Variants in CHST6 observed in about 807,000 individuals in gnomAD.
CHST6 encodes N-acetylglucosamine 6-O-sulfotransferase 5.
For synonymous variants in CHST6, 309 were observed against 276.4 expected, an observed-to-expected ratio of 1.12 and a Z score of -1.17; for missense variants, 698 against 586.2, an observed-to-expected ratio of 1.19 and a Z score of -1.97.
rs117269245 is a variant in CHST6 at position 75,495,061 on chromosome 16, C to G, written c.-213G>C. 641 of 152,684 alleles carry G rather than the reference C, an allele frequency of 4.2e-3. No individual in the cohort carries two copies. Among genetic ancestry groups the G allele is most frequent in the Non-Finnish European group, 6.5e-3 (444 of 68,306 alleles). 9.5% of individuals were successfully genotyped at this position (152,684 alleles called of 1,614,324 possible). ...AATTCCACCGCACAGCCAGCTCTTT[C>G]TCTTCACTGGGAGGGTCCGCAGGGG... On this transcript the variant is annotated 5_prime_UTR_variant, in exon 1 of 3. Coordinates refer to ENST00000332272, the MANE Select transcript of CHST6 (RefSeq NM_021615.5).
intron 2 of CHST6, among the ~76,000 whole-genome samples, 156 bp from the exon 3 acceptor site, chr16:75,480,000 T>A (rs924174717): frequency 1.3e-5 from 2 of 152,178 alleles, no homozygotes; most frequent in African/African-American, 2.4e-5. Context: ...AATGTGGCCT[T>A]AAGACATAAC....
At chr16:75,484,272 G>A (rs748548044) in intron 1 of CHST6, among the ~76,000 whole-genome samples, 7 of 152,206 alleles carry the variant, frequency 4.6e-5, no homozygotes, top group Non-Finnish European at 8.8e-5. Context: ...AGGAGGTGGA[G>A]GTTGCAGTGA....
At chr16:75,482,156 C>T (rs1224459854) in intron 1 of CHST6, among the ~76,000 whole-genome samples, 1 of 152,238 alleles carries the variant, frequency 6.6e-6, no homozygotes, top group African/African-American at 2.4e-5. Flanking sequence ...GGGGAGTCTC[C>T]CCCCAGAGGA....
chr16:75,480,886 C>T lies in CHST6; in HGVS notation c.-17+931G>A, dbSNP rs563904804. Among the ~76,000 whole-genome samples the T allele has an allele frequency of 8.3e-5, 12 of 143,808 alleles. No individual in the cohort carries two copies. In the South Asian group the frequency reaches 1.3e-3, roughly 16 times the overall value. 94.3% of individuals were successfully genotyped at this position (143,808 alleles called of 152,430 possible). A position where few individuals can be genotyped will look rare whatever the true frequency, so the allele number is the denominator to read the frequency against. On this transcript the variant is annotated intron_variant, in intron 2 of 2. Coordinates refer to ENST00000332272, the MANE Select transcript of CHST6 (RefSeq NM_021615.5). ...CAGAGGTTGTAGTGAGACGAGATCG[C>T]GCCATTGCACTCCAGCCTGGGCAAG...
Position 75,475,846 on chromosome 16 carries a change from G to C in CHST6, c.*2795C>G, listed in dbSNP as rs2080060627. ...AAACAGGGGCAAATGAAGCTTGTTG[G>C]GCATGCTGGCTGGGCATGAGATGGA... On this transcript the variant is annotated 3_prime_UTR_variant, in exon 3 of 3. Transcript: ENST00000332272. The C allele has an allele frequency of 6.6e-6, 1 of 152,118 alleles. No homozygotes were observed. Among genetic ancestry groups the C allele is most frequent in the Non-Finnish European group, 1.5e-5 (1 of 68,036 alleles). 9.4% of individuals were successfully genotyped at this position (152,118 alleles called of 1,614,324 possible).
Position 75,479,657 on chromosome 16 carries a change from G to A in CHST6, c.172C>T (p.Gln58Ter), listed in dbSNP as rs756036451. Residue 58 changes from glutamine (Q) to a stop codon, truncating the protein, a stop_gained, in exon 3 of 3, where the codon CAA becomes TAA. Transcript: ENST00000332272. LOFTEE classifies it low-confidence loss of function (END_TRUNC). The part of the protein sequence containing the change: ...SWRSGSSFVG[Q>*]LFNQHPDVFY... Reference sequence around the variant, plus strand: ...ACGTCGGGGTGCTGGTTGAAGAGTTGGCCCACGAAGGACGAGCCCGAGCGC... The same window carrying A: ...ACGTCGGGGTGCTGGTTGAAGAGTTAGCCCACGAAGGACGAGCCCGAGCGC... 87 of 1,612,628 alleles carry A rather than the reference G, an allele frequency of 5.4e-5. No individual in the cohort carries two copies. Among genetic ancestry groups the A allele is most frequent in the Non-Finnish European group, 7.4e-5 (87 of 1,179,728 alleles).
Position 75,479,290 on chromosome 16 carries a change from T to A in CHST6, c.539A>T (p.Asn180Ile). Reference sequence around the variant, plus strand: ...GAGCAGCGGGTAGAGCACCTGCAGGTTGAAGAAGCGCACCTCCTTGAGCAC... The same window carrying A: ...GAGCAGCGGGTAGAGCACCTGCAGGATGAAGAAGCGCACCTCCTTGAGCAC... Reference protein sequence around the residue: ...HVVLKEVRFFNLQVLYPLLSD... With the variant: ...HVVLKEVRFFILQVLYPLLSD... The change falls in exon 3 of 3, where the codon AAC (asparagine) becomes ATC (isoleucine). Residue 180 changes from asparagine (N) to isoleucine (I), a missense_variant. By Grantham distance (149) the Asn-to-Ile change is moderately radical. Transcript: ENST00000332272. The A allele has an allele frequency of 6.2e-7, 1 of 1,613,022 alleles. No homozygotes were observed. The highest frequency in any genetic ancestry group is 1.3e-5 in the African/African-American group (1 of 74,960).
chr16:75,489,229 A>G (rs1033257963), intron 1 of CHST6, among the ~76,000 whole-genome samples: 4 of 151,484 alleles, frequency 2.6e-5, no homozygotes, highest in South Asian at 2.1e-4. Context: ...CGAAACCCCA[A>G]CTGTACTAAA....
At position 75,487,731 on chromosome 16, in the gene CHST6, A is replaced by G. The variant is rs188579617; in HGVS notation, c.-91-5840T>C. Among the ~76,000 whole-genome samples, 725 of 150,426 alleles carry G rather than the reference A, an allele frequency of 4.8e-3. 7 individuals carry two copies. The highest frequency in any genetic ancestry group is 0.017 in the African/African-American group (704 of 40,816). On this transcript the variant is annotated intron_variant, in intron 1 of 2. Coordinates refer to ENST00000332272, the MANE Select transcript of CHST6 (RefSeq NM_021615.5). Reference sequence around the variant, plus strand: ...GGAGAATGGCGTGAATCTGGGAGGCAGAGCTTGCAGTGAGCTGAGATCGTG... The same window carrying G: ...GGAGAATGGCGTGAATCTGGGAGGCGGAGCTTGCAGTGAGCTGAGATCGTG...
Position 75,486,882 on chromosome 16 carries a change from G to A in CHST6, c.-91-4991C>T, listed in dbSNP as rs184577108. Among the ~76,000 whole-genome samples, 955 of 152,284 alleles carry A rather than the reference G, an allele frequency of 6.3e-3. 10 individuals are homozygous for A. Among genetic ancestry groups the A allele is most frequent in the Middle Eastern group, 0.024 (7 of 294 alleles). The stretch of plus-strand genomic sequence containing the variant: ...CAGAGCTTCTGGGGGCTGGCCCTGC[G>A]TTGTTTCTCTCTGACAGTGCTAATT... On this transcript the variant is annotated intron_variant, in intron 1 of 2. Coordinates refer to ENST00000332272, the MANE Select transcript of CHST6 (RefSeq NM_021615.5).
chr16:75,472,937 G>C lies in CHST6; in HGVS notation c.*5704C>G, dbSNP rs762070553. 26 of 152,112 alleles carry C rather than the reference G, an allele frequency of 1.7e-4. No homozygotes were observed. The highest frequency in any genetic ancestry group is 2.4e-4 in the Non-Finnish European group (16 of 68,048). 9.4% of individuals were successfully genotyped at this position (152,112 alleles called of 1,614,324 possible). On this transcript the variant is annotated 3_prime_UTR_variant, in exon 3 of 3. Coordinates refer to ENST00000332272, the MANE Select transcript of CHST6 (RefSeq NM_021615.5). ...TGCCTGCCCCTAATTGTGGGTGACT[G>C]CTGGGCCTAGACACTTCTAGCTGCA...
chr16:75,488,399 G>A (rs1232442216), intron 1 of CHST6, among the ~76,000 whole-genome samples: 1 of 151,718 alleles, frequency 6.6e-6, no homozygotes, highest in African/African-American at 2.4e-5. Context: ...TCTGGGAGGT[G>A]GAGGTTGCAG....
chr16:75,491,190 A>AAAAAAATAAATATATATAT (rs1206595857), intron 1 of CHST6, among the ~76,000 whole-genome samples: 1 of 50,074 alleles, frequency 2.0e-5, no homozygotes, highest in Non-Finnish European at 3.0e-5. Context: ...AAAAAAAAAA[A>AAAAAAATAAATATATATAT]ATATATATAT....
intron 1 of CHST6, among the ~76,000 whole-genome samples, chr16:75,491,123 C>A (rs1402397521): frequency 7.8e-6 from 1 of 128,740 alleles, no homozygotes; most frequent in East Asian, 2.3e-4. Flanking sequence ...TGAAATCAAG[C>A]CACTGCACTC....
intron 1 of CHST6, among the ~76,000 whole-genome samples, chr16:75,487,200 T>C (rs2080207100): frequency 6.6e-6 from 1 of 152,220 alleles, no homozygotes; most frequent in Non-Finnish European, 1.5e-5. Context: ...TTACCATTTC[T>C]TGGCCTGGCC....
intron 1 of CHST6, among the ~76,000 whole-genome samples, chr16:75,487,814 A>G (rs1461636265): frequency 2.0e-5 from 3 of 150,254 alleles, no homozygotes; most frequent in African/African-American, 4.9e-5. Context: ...CCTAAAAAAA[A>G]AAAAAAAAAA....
chr16:75,479,080 A>C lies in CHST6; in HGVS notation c.749T>G (p.Val250Gly). The change falls in exon 3 of 3, where the codon GTA becomes GGA. Residue 250 changes from valine to glycine, a missense_variant. Physicochemically the swap from Val to Gly is moderately radical, Grantham distance 109. Transcript: ENST00000332272. ...GAGTGTGGCGGCCTCGGCGATGCGT[A>C]CGTGGCTACGGCACACCTCGCGCAC... ...RVVREVCRSH[V>G]RIAEAATLKP... 1 of 1,605,698 alleles carries C rather than the reference A, an allele frequency of 6.2e-7. No individual in the cohort carries two copies. Among genetic ancestry groups the C allele is most frequent in the South Asian group, 1.1e-5 (1 of 91,004 alleles).
In CHST6 at chr16:75,477,006, A is replaced by C. The variant is rs1402920752; in HGVS notation, c.*1635T>G. The stretch of plus-strand genomic sequence containing the variant: ...TGATTCATCCCCCTCGGCCTCCCAC[A>C]GTGCTGGGATTACAGGCATGAGCCA... On this transcript the variant is annotated 3_prime_UTR_variant, in exon 3 of 3. Coordinates refer to ENST00000332272, the MANE Select transcript of CHST6 (RefSeq NM_021615.5). The C allele has an allele frequency of 4.6e-5, 7 of 152,198 alleles. No homozygotes were observed. Among genetic ancestry groups the C allele is most frequent in the Non-Finnish European group, 1.0e-4 (7 of 68,038 alleles). 9.4% of individuals were successfully genotyped at this position (152,198 alleles called of 1,614,324 possible).
At chr16:75,493,643 G>A (rs1256679260) in intron 1 of CHST6, among the ~76,000 whole-genome samples, 1 of 152,092 alleles carries the variant, frequency 6.6e-6, no homozygotes, top group Admixed American at 6.6e-5. Context: ...GCACTTATGA[G>A]TATTTGCTTA....
Sources: allele counts gnomAD v4.1 joint callset (sites outside exome capture counted in the v4.1 genomes callset), GRCh38; gene constraint gnomAD v4.1.1; transcripts MANE v1.5; gene names NCBI Gene and HGNC (gene_info 2026-07-23, HGNC 2026-07-21).